Variants in DSCAML1 observed in about 807,000 individuals in gnomAD.
DSCAML1 encodes the protein cell adhesion molecule DSCAML1.
DSCAML1 carries 38 observed loss-of-function variants against 200.5 expected under a neutral mutation model. That is an observed-to-expected ratio of 0.19 (90% CI 0.15 to 0.25). DSCAML1 has a LOEUF of 0.25. DSCAML1 is among the 10% of genes least tolerant of loss of function. DSCAML1 has a pLI of 1.00. For synonymous variants in DSCAML1, 1,215 were observed against 1,165.0 expected (o/e 1.04, Z -0.87); for missense variants, 2,223 against 2,858.8 (o/e 0.78, Z 5.07).
At chr11:117,722,598 T>A (rs550209541) in intron 3 of DSCAML1, among the ~76,000 whole-genome samples, 1 of 152,294 alleles carries the variant, frequency 6.6e-6, no homozygotes, top group African/African-American at 2.4e-5. Context: ...CCTGATTTGA[T>A]CATTACACAT....
intron 3 of DSCAML1, among the ~76,000 whole-genome samples, chr11:117,592,486 T>G (rs1307830534): frequency 6.6e-6 from 1 of 151,908 alleles, no homozygotes; most frequent in Non-Finnish European, 1.5e-5. Context: ...CTTTCTTTGG[T>G]GTCTCCTGTG....
intron 14 of DSCAML1, among the ~76,000 whole-genome samples, chr11:117,478,496 T>C (rs1466794175): frequency 6.6e-6 from 1 of 152,170 alleles, no homozygotes; most frequent in Admixed American, 6.5e-5. Context: ...ATGGCCTCTT[T>C]TCTTTTCTCC....
chr11:117,428,867 C>T (rs1294765856), intron 32 of DSCAML1, 64 bp from the exon 33 acceptor site: 5 of 1,442,530 alleles, frequency 3.5e-6, no homozygotes, highest in Non-Finnish European at 4.7e-6. Flanking sequence ...GCTCGTTCAG[C>T]CCCCACCCCA....
rs2047995360 is a variant in DSCAML1 at position 117,439,409 on chromosome 11, A to G, written c.4001T>C (p.Val1334Ala). ...TKDSEDSAIP[V>A]SMDGHRLIHT... ...GATGAGCCGGTGCCCATCCATGGACACTGGAATGGCCGAGTCTTCACTGCC... is the reference window on the plus strand; with the variant it reads ...GATGAGCCGGTGCCCATCCATGGACGCTGGAATGGCCGAGTCTTCACTGCC... Residue 1334 changes from valine (V) to alanine (A), a missense_variant, in exon 23 of 33, where the codon GTG (valine) becomes GCG (alanine). Val to Ala is a moderately conservative substitution (Grantham distance 64). Around this residue, in one of 7 missense-constraint regions of DSCAML1, gnomAD observed 614 missense variants for 739.1 expected, o/e 0.83. Transcript: ENST00000651296. 1 of 1,613,008 alleles carries G rather than the reference A, an allele frequency of 6.2e-7. No individual in the cohort carries two copies. The highest frequency in any genetic ancestry group is 1.1e-5 in the South Asian group (1 of 91,038).
At chr11:117,622,504 T>C (rs12575046) in intron 3 of DSCAML1, among the ~76,000 whole-genome samples, 4,240 of 152,190 alleles carry the variant, frequency 0.028, 110 homozygotes, top group South Asian at 0.14. Flanking sequence ...TCTGAAAACA[T>C]TGACCTCACC....
chr11:117,664,232 G>A (rs1373669696), intron 3 of DSCAML1, among the ~76,000 whole-genome samples: 3 of 152,014 alleles, frequency 2.0e-5, no homozygotes, highest in Admixed American at 6.5e-5. Flanking sequence ...GGCCTAGACC[G>A]GCGAGGGGCC....
Position 117,518,346 on chromosome 11 carries a change from C to T in DSCAML1, c.1510+120G>A, listed in dbSNP as rs1005611564. ...AGGGGACGAGAGAGGGGAGAGAGAC[C>T]TCTACTAAAATCAAAATGACGATTA... On this transcript the variant is annotated intron_variant, in intron 7 of 32. Transcript: ENST00000651296. The surrounding 1 kb of genome is among the most constrained non-coding windows in gnomAD (Gnocchi z 6.3). The T allele has an allele frequency of 4.3e-6, 6 of 1,383,124 alleles. No homozygotes were observed. The highest frequency in any genetic ancestry group is 6.0e-6 in the Non-Finnish European group (6 of 992,530). 85.7% of individuals were successfully genotyped at this position (1,383,124 alleles called of 1,614,324 possible). A position where few individuals can be genotyped will look rare whatever the true frequency, so the allele number is the denominator to read the frequency against.
At chr11:117,515,597 A>G (rs983845726) in intron 8 of DSCAML1, among the ~76,000 whole-genome samples, 11 of 120,010 alleles carry the variant, frequency 9.2e-5, no homozygotes, top group Non-Finnish European at 1.8e-4. Context: ...TCAAGGGCCC[A>G]GGAGGGACGA....
rs71037499 is a variant in DSCAML1 at position 117,780,304 on chromosome 11, G to GAAAGAAAGAAAGAA, written c.364+188_364+189insTTCTTTCTTTCTTT. Among the ~76,000 whole-genome samples the GAAAGAAAGAAAGAA allele has an allele frequency of 0.013, 1,276 of 98,062 alleles. 16 individuals are homozygous for GAAAGAAAGAAAGAA. The highest frequency in any genetic ancestry group is 0.024 in the Middle Eastern group (5 of 206). The allele number at this position is 98,062 out of a possible 152,430, so 64.3% of individuals were successfully genotyped here. A position where few individuals can be genotyped will look rare whatever the true frequency, so the allele number is the denominator to read the frequency against. On this transcript the variant is annotated intron_variant, in intron 2 of 32. Coordinates refer to ENST00000651296, the MANE Select transcript of DSCAML1 (RefSeq NM_020693.4). This position sits in a 1 kb window ranked among gnomAD's most constrained non-coding sequence, Gnocchi z 4.8. ...AGAAAGAAAGAAAGAAAGAAAGAAA[G>GAAAGAAAGAAAGAA]AGAGAAAGGAGAAAGAAAGGTGTCT... is the stretch of plus-strand genomic sequence containing the variant.
chr11:117,431,922 GA>G (rs200875398), intron 30 of DSCAML1, among the ~76,000 whole-genome samples, 194 bp from the exon 31 acceptor site: 14,958 of 152,118 alleles, frequency 0.098, 737 homozygotes, highest in Admixed American at 0.11. Context: ...CAAGGTTGGG[GA>G]GGGGGCAGTG....
rs751743236 is a variant in DSCAML1 at position 117,505,772 on chromosome 11, A to G, written c.1784-40T>C. 1.3e-6 allele frequency: 2 copies of G among 1,579,978 alleles called. No individual in the cohort carries two copies. The highest frequency in any genetic ancestry group is 1.7e-6 in the Non-Finnish European group (2 of 1,162,746). The stretch of plus-strand genomic sequence containing the variant: ...GGGTGCTGCCGTCAGGACCCTGTGC[A>G]TTCTCACCTGGCCGCCAACGCCGCC... On this transcript the variant is annotated intron_variant, in intron 8 of 32. Transcript: ENST00000651296. This position sits in a 1 kb window ranked among gnomAD's most constrained non-coding sequence, Gnocchi z 6.7.
rs2047965674 is a variant in DSCAML1, at chr11:117,438,295, G to A, written c.4244-212C>T. ...TAAACCAACCAATCAACAAAACACT[G>A]TGAGGGCCTGGGGTCCAGCCCCCGG... On this transcript the variant is annotated intron_variant, in intron 24 of 32. Transcript: ENST00000651296. 2.3e-5 allele frequency among the ~76,000 whole-genome samples: 3 copies of A among 129,456 alleles called. No homozygotes were observed. In the South Asian group the frequency reaches 8.0e-4, roughly 35 times the overall value. The allele number at this position is 129,456 out of a possible 152,430, so 84.9% of individuals were successfully genotyped here. A position where few individuals can be genotyped will look rare whatever the true frequency, so the allele number is the denominator to read the frequency against.
At chr11:117,510,538 A>T (rs2049598493) in intron 8 of DSCAML1, among the ~76,000 whole-genome samples, 1 of 152,056 alleles carries the variant, frequency 6.6e-6, no homozygotes, top group African/African-American at 2.4e-5. Flanking sequence ...CCCATCCCAG[A>T]TCGCCTTATT....
chr11:117,782,163 T>C (rs1271256372), intron 1 of DSCAML1, among the ~76,000 whole-genome samples: 3 of 152,056 alleles, frequency 2.0e-5, no homozygotes, highest in Admixed American at 6.6e-5. Flanking sequence ...CTTTATAGGA[T>C]GGGGGAGGGC....
intron 3 of DSCAML1, among the ~76,000 whole-genome samples, chr11:117,561,187 A>T (rs567115437): frequency 3.9e-5 from 6 of 152,288 alleles, no homozygotes; most frequent in Admixed American, 3.9e-4. Flanking sequence ...GGGCAGTGGG[A>T]GGAGGACCTG....
At chr11:117,605,788 G>A (rs2051555176) in intron 3 of DSCAML1, among the ~76,000 whole-genome samples, 1 of 152,144 alleles carries the variant, frequency 6.6e-6, no homozygotes, top group Admixed American at 6.5e-5. Context: ...CAGGTGACCT[G>A]GACTTGAAAC....
intron 3 of DSCAML1, among the ~76,000 whole-genome samples, chr11:117,643,307 A>G (rs938238887): frequency 2.0e-5 from 3 of 152,146 alleles, no homozygotes; most frequent in African/African-American, 7.2e-5. Context: ...AAGAAAACCA[A>G]AGTGACTGTG....
In DSCAML1 at chr11:117,810,419, C is replaced by T. The variant is rs147347508; in HGVS notation, c.-250+6971G>A. 2.8e-3 allele frequency among the ~76,000 whole-genome samples: 422 copies of T among 152,182 alleles called. 20 individuals carry two copies. In the East Asian group the frequency reaches 0.073, roughly 26 times the overall value. Reference sequence around the variant, plus strand: ...GTCCCAATCCCTTATTTCCGCACCCCGACCTCTTATCTCTGTGCCCCAATC... The same window carrying T: ...GTCCCAATCCCTTATTTCCGCACCCTGACCTCTTATCTCTGTGCCCCAATC... On this transcript the variant is annotated intron_variant, in intron 1 of 2. Coordinates refer to the DSCAML1 transcript ENST00000525836.
At chr11:117,450,993 C>T (rs566184105) in intron 19 of DSCAML1, among the ~76,000 whole-genome samples, 1 of 152,318 alleles carries the variant, frequency 6.6e-6, no homozygotes, top group East Asian at 1.9e-4. Flanking sequence ...ATGAGGAATT[C>T]ATCTTGATCC....
Sources: gnomAD v4.1 joint callset for allele counts (sites outside exome capture counted in the v4.1 genomes callset) on GRCh38, gnomAD v4.1.1 for gene constraint, gnomAD v4.1.1 regional missense constraint, Gnocchi (gnomAD v3.1) non-coding constraint, MANE v1.5 for transcripts, NCBI Gene and HGNC (gene_info 2026-07-23, HGNC 2026-07-21) for gene names.